Variants in SORCS2 observed in about 807,000 individuals in gnomAD.
SORCS2 encodes VPS10 domain-containing receptor SorCS2.
SORCS2 carries 100 observed loss-of-function variants against 141.6 expected under a neutral mutation model. The observed-to-expected ratio is 0.71, with a 90% CI of 0.60 to 0.83. The LOEUF (loss-of-function observed/expected upper bound fraction) is 0.83, where lower values mean the gene tolerates loss of function less well. SORCS2 is among the 40% of genes least tolerant of loss of function. The pLI is 0.00. For missense variants in SORCS2, 1,646 were observed against 1,560.2 expected (o/e 1.05, Z -0.93); for synonymous variants, 789 against 676.9 (o/e 1.17, Z -2.57).
chr4:7,496,044 G>T (rs1731595762), intron 2 of SORCS2, among the ~76,000 whole-genome samples: 1 of 152,250 alleles, frequency 6.6e-6, no homozygotes, highest in Non-Finnish European at 1.5e-5. Flanking sequence ...GGCCAGGCTA[G>T]CTGTCAGTTC....
rs1015675327 is a variant in SORCS2 at position 7,274,086 on chromosome 4, T to A, written c.480+80960T>A. 2.4e-4 allele frequency among the ~76,000 whole-genome samples: 36 copies of A among 152,246 alleles called. 1 individual carries two copies. The highest frequency in any genetic ancestry group is 8.7e-4 in the African/African-American group (36 of 41,458). On this transcript the variant is annotated intron_variant, in intron 1 of 26. Transcript: ENST00000507866. Reference sequence around the variant, plus strand: ...TGCCCTCAGCCTGGATTTTATGAACTCAGCAATGTTCCCTCCTGTGACCTT... The same window carrying A: ...TGCCCTCAGCCTGGATTTTATGAACACAGCAATGTTCCCTCCTGTGACCTT...
At chr4:7,624,158 A>G (rs997638104) in intron 3 of SORCS2, among the ~76,000 whole-genome samples, 2 of 151,994 alleles carry the variant, frequency 1.3e-5, no homozygotes, top group African/African-American at 2.4e-5. Flanking sequence ...TATGCAGTAG[A>G]AGTTCTTCAT....
intron 1 of SORCS2, among the ~76,000 whole-genome samples, chr4:7,388,942 C>T (rs1378234546): frequency 1.3e-5 from 2 of 152,162 alleles, no homozygotes; most frequent in African/African-American, 4.8e-5. Flanking sequence ...CTTTAGGCAT[C>T]CCTCATTTCC....
At chr4:7,529,592 G>A (rs11931489) in intron 2 of SORCS2, among the ~76,000 whole-genome samples, 41,177 of 152,072 alleles carry the variant, frequency 0.27, 6,327 homozygotes, top group Middle Eastern at 0.37. Flanking sequence ...AGGATTGAGA[G>A]GTATTTGGGA....
At chr4:7,415,256 A>G (rs548409482) in intron 2 of SORCS2, among the ~76,000 whole-genome samples, 1 of 152,340 alleles carries the variant, frequency 6.6e-6, no homozygotes, top group East Asian at 1.9e-4. Flanking sequence ...GGAGGCCACA[A>G]GTTCAACCAG....
chr4:7,682,177 G>C (rs561984774), intron 9 of SORCS2, among the ~76,000 whole-genome samples: 3 of 152,318 alleles, frequency 2.0e-5, no homozygotes, highest in Admixed American at 1.3e-4. Flanking sequence ...AAAGGGACCA[G>C]GTTAGCCCTG....
chr4:7,345,223 G>A (rs920743405), intron 1 of SORCS2, among the ~76,000 whole-genome samples: 4 of 152,212 alleles, frequency 2.6e-5, no homozygotes, highest in South Asian at 2.1e-4. Context: ...CTCAGTGTCT[G>A]CCATGAAATC....
chr4:7,324,629 C>T (rs1032584707), intron 1 of SORCS2, among the ~76,000 whole-genome samples: 3 of 152,202 alleles, frequency 2.0e-5, no homozygotes, highest in Non-Finnish European at 4.4e-5. Context: ...TCCTAGCTGG[C>T]TGCAGCCTGG....
chr4:7,531,486 A>T (rs2109544834), intron 2 of SORCS2, 44 bp from the exon 3 acceptor site: 3 of 1,589,412 alleles, frequency 1.9e-6, no homozygotes, highest in Non-Finnish European at 2.6e-6. Context: ...CGAAGGCCAC[A>T]CTTGGAGGGT....
At chr4:7,278,603 C>A (rs191648949) in intron 1 of SORCS2, among the ~76,000 whole-genome samples, 2 of 152,296 alleles carry the variant, frequency 1.3e-5, no homozygotes, top group Admixed American at 1.3e-4. Flanking sequence ...TTCATAGACC[C>A]AGGGACATTC....
intron 2 of SORCS2, among the ~76,000 whole-genome samples, chr4:7,498,696 C>T (rs1075759): frequency 0.31 from 47,033 of 152,194 alleles, 7,678 homozygotes; most frequent in East Asian, 0.7. Context: ...GGAAATGAAG[C>T]CACGTGGACC....
chr4:7,236,406 T>C (rs576410550), intron 1 of SORCS2, among the ~76,000 whole-genome samples: 1 of 151,882 alleles, frequency 6.6e-6, no homozygotes, highest in African/African-American at 2.4e-5. Context: ...GGAGTGTGTC[T>C]ATTGGCAGCA....
chr4:7,411,967 C>G (rs1453991629), intron 2 of SORCS2, among the ~76,000 whole-genome samples: 1 of 152,238 alleles, frequency 6.6e-6, no homozygotes, highest in East Asian at 1.9e-4. Flanking sequence ...GCTCCCAGCC[C>G]AGCACACCCC....
At chr4:7,673,174 A>G (rs767256655) in intron 8 of SORCS2, among the ~76,000 whole-genome samples, 6 of 152,246 alleles carry the variant, frequency 3.9e-5, no homozygotes, top group Admixed American at 3.9e-4. Flanking sequence ...ACCATTCTCA[A>G]TATTGGAATA....
chr4:7,559,127 C>A (rs1014503144), intron 3 of SORCS2, among the ~76,000 whole-genome samples: 1 of 152,318 alleles, frequency 6.6e-6, no homozygotes, highest in East Asian at 1.9e-4. Flanking sequence ...GTTCCCTCTG[C>A]CTGGAATGGT....
Position 7,547,596 on chromosome 4 carries a change from T to C in SORCS2, c.648+15967T>C, listed in dbSNP as rs566719395. 2.0e-5 allele frequency among the ~76,000 whole-genome samples: 3 copies of C among 152,352 alleles called. No individual in the cohort carries two copies. The South Asian group carries it at 6.2e-4, about 32-fold the overall frequency. ...GCCCCACCTTCCCCACCCCATTCTT[T>C]GTGGCCAATTCCTGTTTACCCTGCA... On this transcript the variant is annotated intron_variant, in intron 3 of 26. Transcript: ENST00000507866.
intron 1 of SORCS2, among the ~76,000 whole-genome samples, chr4:7,206,585 CAG>C (rs1327908462): frequency 6.6e-6 from 1 of 152,132 alleles, no homozygotes; most frequent in Admixed American, 6.5e-5. Context: ...AGCTGGCTGC[CAG>C]AGAGACAGAC....
intron 1 of SORCS2, among the ~76,000 whole-genome samples, chr4:7,264,251 C>T (rs1031649404): frequency 6.6e-5 from 10 of 152,204 alleles, no homozygotes; most frequent in South Asian, 2.1e-4. Context: ...TCCAGCAAAG[C>T]GAGAAGAGAA....
At chr4:7,344,337 A>T (rs1720531153) in intron 1 of SORCS2, among the ~76,000 whole-genome samples, 1 of 152,200 alleles carries the variant, frequency 6.6e-6, no homozygotes, top group Non-Finnish European at 1.5e-5. Flanking sequence ...AGCCGGGGCT[A>T]GTTTATCCCA....
Sources: gnomAD v4.1 joint callset for allele counts (sites outside exome capture counted in the v4.1 genomes callset) on GRCh38, gnomAD v4.1.1 for gene constraint, MANE v1.5 for transcripts, NCBI Gene and HGNC (gene_info 2026-07-23, HGNC 2026-07-21) for gene names.